SEMA4D: variants seen among roughly 807,000 people sequenced by gnomAD.
SEMA4D encodes semaphorin-4D.
In SEMA4D, 22 loss-of-function variants were observed where a neutral mutation model predicts 74.8. That is an observed-to-expected ratio of 0.29 (90% confidence interval 0.21 to 0.42). SEMA4D has a LOEUF of 0.42. Ranked by LOEUF, SEMA4D falls within the 10% of genes least tolerant of loss-of-function variation. The pLI is 1.00. For synonymous variants in SEMA4D, 445 were observed against 463.7 expected, an observed-to-expected ratio of 0.96 and a Z score of 0.52; for missense variants, 937 against 1,118.4, an observed-to-expected ratio of 0.84 and a Z score of 2.31.
chr9:89,449,460 C>G, intron 2 of SEMA4D: 1 of 672,132 alleles, frequency 1.5e-6, no homozygotes, highest in Non-Finnish European at 2.8e-6. Context: ...TGGCCCTCTC[C>G]TCGAGGATCG....
chr9:89,449,701 T>C, intron 2 of SEMA4D: 1 of 1,523,238 alleles, frequency 6.6e-7, no homozygotes, highest in Non-Finnish European at 9.1e-7. Context: ...GTACTGAGCC[T>C]GTGTGAGAAA....
At chr9:89,491,891 C>A (rs1262854228) in intron 1 of SEMA4D, among the ~76,000 whole-genome samples, 1 of 152,170 alleles carries the variant, frequency 6.6e-6, no homozygotes, top group Admixed American at 6.5e-5. Flanking sequence ...GGAGGCACAG[C>A]ACACACCGAG....
chr9:89,384,427 T>C (rs1265018908), intron 13 of SEMA4D, among the ~76,000 whole-genome samples: 2 of 152,184 alleles, frequency 1.3e-5, no homozygotes, highest in Admixed American at 6.5e-5. Context: ...TCCACTCATA[T>C]GAGGTACCCA....
intron 1 of SEMA4D, among the ~76,000 whole-genome samples, chr9:89,467,349 G>A (rs2135862323): frequency 1.3e-5 from 2 of 152,204 alleles, no homozygotes; most frequent in Middle Eastern, 6.8e-3. Context: ...TGAGTTCACA[G>A]CCATCCGGTT....
intron 1 of SEMA4D, among the ~76,000 whole-genome samples, chr9:89,457,915 C>T (rs1436600298): frequency 6.6e-6 from 1 of 152,048 alleles, no homozygotes; most frequent in Non-Finnish European, 1.5e-5. Flanking sequence ...CGCCTGTAGT[C>T]CCAGCTACTT....
chr9:89,398,031 A>G (rs1021954827), intron 5 of SEMA4D, among the ~76,000 whole-genome samples: 1 of 152,214 alleles, frequency 6.6e-6, no homozygotes, highest in Non-Finnish European at 1.5e-5. Context: ...GAAAGGAGCC[A>G]GAGAAAGTCT....
chr9:89,493,867 C>G (rs911789636), intron 1 of SEMA4D, among the ~76,000 whole-genome samples: 2 of 152,212 alleles, frequency 1.3e-5, no homozygotes, highest in Non-Finnish European at 2.9e-5. Flanking sequence ...GCAATGGGGA[C>G]CCCTCTGGCG....
chr9:89,392,521 GA>G lies in SEMA4D; in HGVS notation c.523del (p.Ser175ArgfsTer23). On this transcript the variant is annotated frameshift_variant, in exon 8 of 16. Coordinates refer to ENST00000422704, the MANE Select transcript of SEMA4D (RefSeq NM_001371194.2). LOFTEE classifies it high-confidence loss of function. ...TCCCAAAAAATTATACGACGTCCCC[GA>G]ATAAAGTTCTCCATCTGCAGGGGCC... ...TSVMVDGELYSGTSYNFLGSE... is the reference protein window; with the variant it reads ...TSVMVDGELYXGTSYNFLGSE... 1.2e-6 allele frequency: 2 copies of G among 1,613,228 alleles called. No homozygotes were observed. Among genetic ancestry groups the G allele is most frequent in the Non-Finnish European group, 1.7e-6 (2 of 1,179,260 alleles).
At chr9:89,452,704 C>A (rs1021143531) in intron 2 of SEMA4D, among the ~76,000 whole-genome samples, 1 of 152,230 alleles carries the variant, frequency 6.6e-6, no homozygotes, top group African/African-American at 2.4e-5. Context: ...CTACCCACCT[C>A]GGCCTCCCAA....
At chr9:89,453,605 T>TC (rs1338081361) in intron 2 of SEMA4D, among the ~76,000 whole-genome samples, 4 of 152,194 alleles carry the variant, frequency 2.6e-5, no homozygotes, top group Non-Finnish European at 5.9e-5. Context: ...AAGCCAGGCC[T>TC]CCCAGAACCA....
chr9:89,379,057 G>C lies in SEMA4D; in HGVS notation c.2236C>G (p.Leu746Val). The change falls in exon 16 of 16, where the codon CTC becomes GTC. Residue 746 changes from leucine to valine, a missense_variant. Transcript: ENST00000422704. ...LMSLFLFFFV[L>V]FLCLFFYNCY... is the part of the protein sequence containing the mutation. ...TTGTAGAAAAAGAGGCAGAGGAAGAGAACAAAGAAGAAGAGGAAGAGGGAC... is the reference window on the plus strand; with the variant it reads ...TTGTAGAAAAAGAGGCAGAGGAAGACAACAAAGAAGAAGAGGAAGAGGGAC... 1 of 1,613,010 alleles carries C rather than the reference G, an allele frequency of 6.2e-7. No homozygotes were observed. Among genetic ancestry groups the C allele is most frequent in the East Asian group, 2.2e-5 (1 of 44,868 alleles).
exon 19 of SEMA4D, chr9:89,362,305 G>A: frequency 3.1e-6 from 5 of 1,607,604 alleles, no homozygotes; most frequent in Non-Finnish European, 4.3e-6. Flanking sequence ...ACAGTTCACA[G>A]TTGTGGGGGA....
downstream of SEMA4D, among the ~76,000 whole-genome samples, chr9:89,372,445 C>G (rs945772392): frequency 6.6e-6 from 1 of 151,584 alleles, no homozygotes. Context: ...CCGTCCTTCA[C>G]GGCTGGTACC....
rs368490835 is a variant in SEMA4D, at chr9:89,379,282, T to C, written c.2011A>G (p.Lys671Glu). ...VQTEGSRIAT[K>E]VLVASTQGSS... is the part of the protein sequence containing the mutation. ...CCTTGGGTGGATGCCACCAACACTT[T>C]GGTGGCAATCCTACTACCTTCTGTC... is the stretch of plus-strand genomic sequence containing the variant. The change falls in exon 16 of 16, where the codon AAA becomes GAA. Residue 671 changes from lysine (K) to glutamate (E), a missense_variant. Lys to Glu is a moderately conservative substitution (Grantham distance 56). Coordinates refer to ENST00000422704, the MANE Select transcript of SEMA4D (RefSeq NM_001371194.2). 1.2e-5 allele frequency: 20 copies of C among 1,614,148 alleles called. No homozygotes were observed. Among genetic ancestry groups the C allele is most frequent in the Non-Finnish European group, 1.5e-5 (18 of 1,180,020 alleles).
At chr9:89,382,771 C>CG (rs1402524893) in intron 13 of SEMA4D, among the ~76,000 whole-genome samples, 1 of 152,152 alleles carries the variant, frequency 6.6e-6, no homozygotes, top group Admixed American at 6.5e-5. Context: ...TTGGGTCCCG[C>CG]GGGGGGCACC....
chr9:89,458,641 A>G (rs902944146), intron 1 of SEMA4D, among the ~76,000 whole-genome samples: 1 of 152,056 alleles, frequency 6.6e-6, no homozygotes, highest in African/African-American at 2.4e-5. Context: ...GTAAGCACAC[A>G]TGTATATTCA....
chr9:89,394,274 G>T (rs1446868438), intron 6 of SEMA4D, among the ~76,000 whole-genome samples: 1 of 152,180 alleles, frequency 6.6e-6, no homozygotes, highest in East Asian at 1.9e-4. Context: ...ACAATGCACA[G>T]ATCCAACCAC....
Position 89,387,588 on chromosome 9 carries a change from C to T in SEMA4D, c.1128G>A (p.Arg376=). 6.2e-7 allele frequency: 1 copy of T among 1,614,122 alleles called. No individual in the cohort carries two copies. The highest frequency in any genetic ancestry group is 8.5e-7 in the Non-Finnish European group (1 of 1,180,026). Residue 376 remains arginine (R), a synonymous_variant, in exon 12 of 16, where the codon CGG becomes CGA. Coordinates refer to ENST00000422704, the MANE Select transcript of SEMA4D (RefSeq NM_001371194.2). ...RPGACIDSEA[R]AANYTSSLNL... ...TCAAGGAGCTGGTGTAGTTGGCGGCCCGTGCCTCGCTGTCGATGCACTGCA... is the reference window on the plus strand; with the variant it reads ...TCAAGGAGCTGGTGTAGTTGGCGGCTCGTGCCTCGCTGTCGATGCACTGCA...
At chr9:89,371,822 C>G (rs1355151527) in intron 16 of SEMA4D, among the ~76,000 whole-genome samples, 1 of 16,962 alleles carries the variant, frequency 5.9e-5, no homozygotes, top group Non-Finnish European at 1.0e-4. Flanking sequence ...GTGTGTGTGT[C>G]TGGGGTGTGG....
Sources: allele counts gnomAD v4.1 joint callset (sites outside exome capture counted in the v4.1 genomes callset), GRCh38; gene constraint gnomAD v4.1.1; transcripts MANE v1.5; gene names NCBI Gene and HGNC (gene_info 2026-07-23, HGNC 2026-07-21).